The following ESR1 variants were observed in gnomAD, a reference collection of about 807,000 sequenced individuals.
ESR1 encodes estrogen receptor 1.
A neutral mutation model predicts 52.7 loss-of-function variants in ESR1; 12 were observed. The observed-to-expected ratio is 0.23, with a 90% CI of 0.15 to 0.37. ESR1 has a LOEUF of 0.37. Among genes scored for constraint, ESR1 ranks in the 10% least tolerant of loss-of-function variants. ESR1 has a pLI of 1.00. For missense variants in ESR1, 584 were observed against 779.7 expected, an observed-to-expected ratio of 0.75 and a Z score of 2.99; for synonymous variants, 305 against 316.8, an observed-to-expected ratio of 0.96 and a Z score of 0.39.
chr6:152,113,380 G>A (rs910799403), intron 6 of ESR1, among the ~76,000 whole-genome samples: 3 of 152,124 alleles, frequency 2.0e-5, no homozygotes, highest in East Asian at 1.9e-4. Flanking sequence ...TGCATGGGGC[G>A]GGGGGCACCT....
chr6:151,959,741 CA>C (rs907274883), intron 4 of ESR1, among the ~76,000 whole-genome samples: 9 of 151,934 alleles, frequency 5.9e-5, no homozygotes, highest in Admixed American at 2.0e-4. Flanking sequence ...TTGGTGAGAG[CA>C]AAAATAAACT....
At chr6:151,670,537 T>G (rs1201996918) in intron 1 of ESR1, among the ~76,000 whole-genome samples, 1 of 152,122 alleles carries the variant, frequency 6.6e-6, no homozygotes, top group African/African-American at 2.4e-5. Flanking sequence ...TACATCCTTC[T>G]GTAATATGTG....
chr6:151,927,976 G>A (rs544308523), intron 3 of ESR1, among the ~76,000 whole-genome samples: 10 of 151,952 alleles, frequency 6.6e-5, no homozygotes, highest in South Asian at 2.1e-4. Context: ...TGCCTGCCTC[G>A]GCCTCCCAAA....
At chr6:151,867,220 C>G (rs1287491699) in intron 2 of ESR1, among the ~76,000 whole-genome samples, 1 of 152,058 alleles carries the variant, frequency 6.6e-6, no homozygotes, top group Non-Finnish European at 1.5e-5. Context: ...GAGTTCATGA[C>G]TAAAATACCA....
intron 4 of ESR1, among the ~76,000 whole-genome samples, chr6:151,951,402 G>A (rs972613814): frequency 2.6e-5 from 4 of 152,040 alleles, no homozygotes; most frequent in Non-Finnish European, 4.4e-5. Context: ...TGGCCTACTC[G>A]TTTGATTATT....
intron 6 of ESR1, among the ~76,000 whole-genome samples, chr6:152,123,109 A>G (rs901171335): frequency 6.6e-6 from 1 of 152,248 alleles, no homozygotes; most frequent in Non-Finnish European, 1.5e-5. Flanking sequence ...TCAGAATCAT[A>G]CCAAGTATCC....
intron 4 of ESR1, among the ~76,000 whole-genome samples, chr6:151,971,869 G>A (rs939733040): frequency 3.9e-5 from 6 of 152,004 alleles, no homozygotes; most frequent in Non-Finnish European, 8.8e-5. Context: ...TGAAACAAAA[G>A]GCTGTTTTTT....
intron 2 of ESR1, among the ~76,000 whole-genome samples, chr6:151,849,352 G>C (rs1677091132): frequency 6.6e-6 from 1 of 152,136 alleles, no homozygotes; most frequent in African/African-American, 2.4e-5. Context: ...AAGGGTCAGA[G>C]TCATGATAGA....
intron 6 of ESR1, chr6:152,125,209 TG>T: frequency 6.5e-7 from 1 of 1,528,970 alleles, no homozygotes; most frequent in African/African-American, 1.4e-5. Flanking sequence ...TGAAATGTTT[TG>T]CTGGTTGGTG....
At chr6:151,968,838 A>G (rs988393988) in intron 4 of ESR1, among the ~76,000 whole-genome samples, 1 of 152,122 alleles carries the variant, frequency 6.6e-6, no homozygotes, top group South Asian at 2.1e-4. Flanking sequence ...AACCATGTCA[A>G]TGGAGAAGAC....
At chr6:151,792,872 T>G (rs1583307473) in intron 2 of ESR1, among the ~76,000 whole-genome samples, 1 of 152,220 alleles carries the variant, frequency 6.6e-6, no homozygotes, top group Non-Finnish European at 1.5e-5. Context: ...TCTGTTTAAG[T>G]TTTTAAAAAT....
chr6:151,685,202 C>A (rs576024517), intron 1 of ESR1, among the ~76,000 whole-genome samples: 2 of 139,966 alleles, frequency 1.4e-5, no homozygotes, highest in African/African-American at 5.4e-5. Flanking sequence ...GGCGCAATCT[C>A]GGCTCACTGC....
At chr6:151,687,923 A>G (rs1028983976), upstream of ESR1, among the ~76,000 whole-genome samples, 1 of 152,206 alleles carries the variant, frequency 6.6e-6, no homozygotes, top group Non-Finnish European at 1.5e-5. Context: ...GGCATGATAC[A>G]TCTCTTTAAA....
intron 4 of ESR1, among the ~76,000 whole-genome samples, chr6:151,969,088 A>C (rs761243278): frequency 6.6e-6 from 1 of 152,090 alleles, no homozygotes; most frequent in Non-Finnish European, 1.5e-5. Context: ...AATGCAGTGC[A>C]TTAATAAACT....
Position 152,024,346 on chromosome 6 carries a change from T to G in ESR1, c.1235+12552T>G, listed in dbSNP as rs1401726333. 3.3e-5 allele frequency among the ~76,000 whole-genome samples: 5 copies of G among 152,090 alleles called. No homozygotes were observed. In the East Asian group the frequency reaches 7.7e-4, roughly 23 times the overall value. Reference sequence around the variant, plus strand: ...ATTGCCCTTTGATTTTTCAGAGTTTTACTGTGGATTCTTCCTTGTTTCTTT... The same window carrying G: ...ATTGCCCTTTGATTTTTCAGAGTTTGACTGTGGATTCTTCCTTGTTTCTTT... On this transcript the variant is annotated intron_variant, in intron 5 of 7. Coordinates refer to ENST00000206249, the MANE Select transcript of ESR1 (RefSeq NM_000125.4).
At chr6:151,963,524 CTTAT>C (rs2037910981) in intron 4 of ESR1, among the ~76,000 whole-genome samples, 1 of 152,110 alleles carries the variant, frequency 6.6e-6, no homozygotes, top group South Asian at 2.1e-4. Context: ...TTTTGATTAG[CTTAT>C]TTGTTTTCTT....
intron 2 of ESR1, among the ~76,000 whole-genome samples, chr6:151,707,636 T>C (rs1421791657): frequency 6.6e-6 from 1 of 152,148 alleles, no homozygotes; most frequent in Non-Finnish European, 1.5e-5. Context: ...ATTTATTTCC[T>C]TAAGAGTAAT....
At chr6:151,744,915 T>G (rs1310097205) in intron 2 of ESR1, among the ~76,000 whole-genome samples, 1 of 152,178 alleles carries the variant, frequency 6.6e-6, no homozygotes, top group Admixed American at 6.5e-5. Context: ...TTCAAATCTA[T>G]TCTTCTGCAT....
rs138788168 is a variant in ESR1 at position 151,863,654 on chromosome 6, G to T, written c.644-17001G>T. Among the ~76,000 whole-genome samples, 297 of 152,084 alleles carry T rather than the reference G, an allele frequency of 2.0e-3. 3 individuals are homozygous for T. In the East Asian group the frequency reaches 0.03, roughly 15 times the overall value. Reference sequence around the variant, plus strand: ...CTTTATTTCTTTCTCCTGCCTAATTGCCCTGTCCAGAACTTCCAACACTAT... The same window carrying T: ...CTTTATTTCTTTCTCCTGCCTAATTTCCCTGTCCAGAACTTCCAACACTAT... On this transcript the variant is annotated intron_variant, in intron 2 of 7. Coordinates refer to ENST00000206249, the MANE Select transcript of ESR1 (RefSeq NM_000125.4).
Sources: gnomAD v4.1 joint callset for allele counts (sites outside exome capture counted in the v4.1 genomes callset) on GRCh38, gnomAD v4.1.1 for gene constraint, MANE v1.5 for transcripts, NCBI Gene and HGNC (gene_info 2026-07-23, HGNC 2026-07-21) for gene names.